The following PDLIM4 variants were observed in gnomAD, a reference collection of about 807,000 sequenced individuals.
PDLIM4 encodes the protein PDZ and LIM domain protein 4.
PDLIM4 carries 19 observed loss-of-function variants against 31.3 expected under a neutral mutation model. The ratio of observed to expected loss-of-function variants is 0.61; its 90% confidence interval spans 0.42 to 0.89. The LOEUF (loss-of-function observed/expected upper bound fraction) is 0.89. Ranked by LOEUF, PDLIM4 falls within the 40% of genes least tolerant of loss-of-function variation. The probability of loss-of-function intolerance (pLI) is 0.00; values close to 1 mark genes in which losing one functional copy is unlikely to be tolerated. For missense variants in PDLIM4, 442 were observed against 461.1 expected (o/e 0.96, Z 0.38); for synonymous variants, 176 against 190.1 (o/e 0.93, Z 0.61).
At chr5:132,270,445 T>TA (rs1293770136) in intron 3 of PDLIM4, 1 of 163,248 alleles carries the variant, frequency 6.1e-6, no homozygotes, top group Non-Finnish European at 1.3e-5. Flanking sequence ...GGACAGGAGT[T>TA]ACGTTTTTTG....
rs965375778 is a variant in PDLIM4, at chr5:132,262,645, T to C, written c.130T>C (p.Cys44Arg). The C allele has an allele frequency of 1.2e-5, 19 of 1,611,170 alleles. No homozygotes were observed. The highest frequency in any genetic ancestry group is 1.4e-5 in the Non-Finnish European group (17 of 1,178,822). ...AGSKAALAAL[C>R]PGDLIQAING... ...CAGCAAGGCTGCATTGGCTGCCCTG[T>C]GCCCAGGAGACCTGATCCAGGCCAT... The change falls in exon 2 of 7, where the codon TGC becomes CGC. Residue 44 changes from cysteine (C) to arginine (R), a missense_variant. Transcript: ENST00000253754.
chr5:132,262,069 G>A (rs1756387360), intron 1 of PDLIM4, among the ~76,000 whole-genome samples: 1 of 152,174 alleles, frequency 6.6e-6, no homozygotes, highest in African/African-American at 2.4e-5. Flanking sequence ...AGTGATATAT[G>A]GTGCCTGTGA....
chr5:132,271,552 G>T (rs765161721), intron 5 of PDLIM4, 86 bp downstream of exon 5: 1 of 1,359,474 alleles, frequency 7.4e-7, no homozygotes, highest in East Asian at 2.3e-5. Flanking sequence ...GTCCCGCCTC[G>T]CAGTCACCTG....
chr5:132,263,003 T>C (rs1756410808), intron 2 of PDLIM4, among the ~76,000 whole-genome samples: 1 of 152,250 alleles, frequency 6.6e-6, no homozygotes, highest in Admixed American at 6.5e-5. Flanking sequence ...GGGGCACTTA[T>C]GGCAAGTGTT....
chr5:132,266,732 C>A, intron 3 of PDLIM4, 187 bp downstream of exon 3: 1 of 481,972 alleles, frequency 2.1e-6, no homozygotes, highest in South Asian at 3.6e-5. Context: ...TGATGAGCAC[C>A]TGGTGTGGGC....
chr5:132,270,600 A>C (rs993671673), intron 3 of PDLIM4: 14 of 454,656 alleles, frequency 3.1e-5, no homozygotes, highest in Non-Finnish European at 5.2e-5. Context: ...CTGCCCCAGT[A>C]CTGTCCCTTC....
chr5:132,262,574 G>A (rs370379253), intron 1 of PDLIM4, 35 bp from the exon 2 acceptor site: 646 of 1,567,394 alleles, frequency 4.1e-4, no homozygotes, highest in Non-Finnish European at 5.4e-4. Flanking sequence ...ACCATATCAT[G>A]ACTGTGCCCA....
intron 1 of PDLIM4, 31 bp from the exon 2 acceptor site, chr5:132,262,578 G>A (rs374347442): frequency 6.4e-7 from 1 of 1,574,216 alleles, no homozygotes; most frequent in Non-Finnish European, 8.6e-7. Flanking sequence ...TATCATGACT[G>A]TGCCCAGCCA....
rs749608164 is a variant in PDLIM4 at position 132,272,211 on chromosome 5, C to T, written c.975C>T (p.Ala325=). 6.2e-7 allele frequency: 1 copy of T among 1,614,070 alleles called. No individual in the cohort carries two copies. Among genetic ancestry groups the T allele is most frequent in the Non-Finnish European group, 8.5e-7 (1 of 1,179,926 alleles). Residue 325 remains alanine, a synonymous_variant, in exon 7 of 7, where the codon GCC becomes GCT. Transcript: ENST00000253754. ...GYDVVAVYPN[A]KVELV is the part of the protein sequence containing the mutation. ...ACGTGGTGGCGGTGTACCCCAATGC[C>T]AAGGTGGAACTCGTCTGAGCTGGGA...
Position 132,271,873 on chromosome 5 carries a change from G to T in PDLIM4, c.753G>T (p.Gly251=). The T allele has an allele frequency of 6.2e-7, 1 of 1,610,644 alleles. No individual in the cohort carries two copies. Among genetic ancestry groups the T allele is most frequent in the East Asian group, 2.2e-5 (1 of 44,814 alleles). Residue 251 remains glycine (G), a synonymous_variant, in exon 6 of 7, where the codon GGG becomes GGT. Transcript: ENST00000253754. ...GCGCTCCGCTGAGCGGCCTGCAGGGGCTGCCCGAGTGCACGCGCTGCGGCC... is the reference window on the plus strand; with the variant it reads ...GCGCTCCGCTGAGCGGCCTGCAGGGTCTGCCCGAGTGCACGCGCTGCGGCC... ...KLGAPLSGLQ[G]LPECTRCGHG...
chr5:132,270,993 C>T lies in PDLIM4; in HGVS notation c.406C>T (p.Pro136Ser), dbSNP rs1306053890. ...PEDGRPSLGS[P>S]YGQPPRFPVP... ...AGATGGCAGACCAAGCCTGGGATCT[C>T]CATATGGACAACCCCCTCGCTTTCC... The change falls in exon 4 of 7, where the codon CCA becomes TCA. Residue 136 changes from proline to serine, a missense_variant. Coordinates refer to ENST00000253754, the MANE Select transcript of PDLIM4 (RefSeq NM_003687.4). 1.2e-6 allele frequency: 2 copies of T among 1,614,034 alleles called. No individual in the cohort carries two copies. The highest frequency in any genetic ancestry group is 1.7e-6 in the Non-Finnish European group (2 of 1,180,008).
In PDLIM4 at chr5:132,262,325, G is replaced by A. The variant is rs192599745; in HGVS notation, c.94-284G>A. Among the ~76,000 whole-genome samples, 22 of 152,286 alleles carry A rather than the reference G, an allele frequency of 1.4e-4. No homozygotes were observed. The East Asian group carries it at 3.9e-3, about 27-fold the overall frequency. ...CCCCTGCATGTCCTTGGGCACATACGCAGGCTGCAAGAACAACATCCATTT... is the reference window on the plus strand; with the variant it reads ...CCCCTGCATGTCCTTGGGCACATACACAGGCTGCAAGAACAACATCCATTT... On this transcript the variant is annotated intron_variant, in intron 1 of 6. Coordinates refer to ENST00000253754, the MANE Select transcript of PDLIM4 (RefSeq NM_003687.4).
intron 1 of PDLIM4, among the ~76,000 whole-genome samples, chr5:132,258,990 G>A (rs1216778386): frequency 2.0e-5 from 3 of 152,170 alleles, no homozygotes; most frequent in South Asian, 4.1e-4. Context: ...ATGGAATCCC[G>A]TTTCTGGGGG....
chr5:132,261,933 G>T (rs1052987455), intron 1 of PDLIM4, among the ~76,000 whole-genome samples: 2 of 152,180 alleles, frequency 1.3e-5, no homozygotes, highest in Admixed American at 6.5e-5. Context: ...GAGCACACTG[G>T]GTAGTGAGAT....
chr5:132,267,488 T>G (rs1218231444), intron 3 of PDLIM4, among the ~76,000 whole-genome samples: 1 of 152,122 alleles, frequency 6.6e-6, no homozygotes, highest in African/African-American at 2.4e-5. Context: ...GGAAAGGCAC[T>G]TAGAAGTTCT....
intron 2 of PDLIM4, 102 bp from the exon 3 acceptor site, chr5:132,266,362 A>T: frequency 2.8e-6 from 2 of 712,282 alleles, no homozygotes; most frequent in Non-Finnish European, 5.0e-6. Context: ...GTGTTCTTCT[A>T]CCTGCAGGGC....
intron 3 of PDLIM4, among the ~76,000 whole-genome samples, chr5:132,269,916 T>G (rs533553601): frequency 6.6e-6 from 1 of 152,356 alleles, no homozygotes; most frequent in Non-Finnish European, 1.5e-5. Context: ...CAAGTCTCTG[T>G]AACCATGCGC....
intron 3 of PDLIM4, among the ~76,000 whole-genome samples, chr5:132,269,177 C>G (rs533925669): frequency 6.6e-6 from 1 of 152,168 alleles, no homozygotes; most frequent in South Asian, 2.1e-4. Flanking sequence ...CCACAGAGTT[C>G]AGGCCTAGAG....
rs1756636002 is a variant in PDLIM4 at position 132,272,065 on chromosome 5, G to A, written c.829G>A (p.Glu277Lys). The A allele has an allele frequency of 6.2e-7, 1 of 1,614,242 alleles. No individual in the cohort carries two copies. The highest frequency in any genetic ancestry group is 8.5e-7 in the Non-Finnish European group (1 of 1,180,030). The stretch of plus-strand genomic sequence containing the variant: ...GGCACGGGACAAGCTCTACCATCCC[G>A]AGTGCTTCATGTGCAGTGACTGCGG... ...VKARDKLYHP[E>K]CFMCSDCGLN... Residue 277 changes from glutamate to lysine, a missense_variant, in exon 7 of 7, where the codon GAG (glutamate) becomes AAG (lysine). By Grantham distance (56) the Glu-to-Lys change is moderately conservative. Transcript: ENST00000253754.
Sources: gnomAD v4.1 joint callset for allele counts (sites outside exome capture counted in the v4.1 genomes callset) on GRCh38, gnomAD v4.1.1 for gene constraint, MANE v1.5 for transcripts, NCBI Gene and HGNC (gene_info 2026-07-23, HGNC 2026-07-21) for gene names.